Variants in ITSN1 observed in about 807,000 individuals in gnomAD.
ITSN1 encodes intersectin 1.
Under a neutral mutation model 239.8 loss-of-function variants are expected in ITSN1, and 58 were observed. The ratio of observed to expected loss-of-function variants is 0.24; its 90% CI spans 0.20 to 0.30. ITSN1 has a LOEUF of 0.30. ITSN1 is among the 10% of genes least tolerant of loss of function. The pLI is 1.00. For missense variants in ITSN1, 1,558 were observed against 2,103.3 expected, an observed-to-expected ratio of 0.74 and a Z score of 5.07; for synonymous variants, 780 against 770.8, an observed-to-expected ratio of 1.01 and a Z score of -0.20.
chr21:33,741,668 G>A (rs1035842800), intron 5 of ITSN1, among the ~76,000 whole-genome samples: 5 of 151,976 alleles, frequency 3.3e-5, no homozygotes, highest in Admixed American at 6.6e-5. Context: ...CCAGGTGGGC[G>A]GATCATGAGG....
At position 33,888,362 on chromosome 21, in the gene ITSN1, A is replaced by G. The variant is rs1213127539; in HGVS notation, c.*62A>G. 2 of 1,486,822 alleles carry G rather than the reference A, an allele frequency of 1.3e-6. No homozygotes were observed. Among genetic ancestry groups the G allele is most frequent in the Non-Finnish European group, 1.8e-6 (2 of 1,101,528 alleles). 92.1% of individuals were successfully genotyped at this position (1,486,822 alleles called of 1,614,324 possible). Reference sequence around the variant, plus strand: ...CCACGGCCACACATGCTGTCTGGAAATTGTATTCCTTTTCTAAGAAACCAC... The same window carrying G: ...CCACGGCCACACATGCTGTCTGGAAGTTGTATTCCTTTTCTAAGAAACCAC... On this transcript the variant is annotated 3_prime_UTR_variant, in exon 40 of 40. Transcript: ENST00000381318.
intron 1 of ITSN1, among the ~76,000 whole-genome samples, chr21:33,663,200 A>C (rs1167013818): frequency 6.6e-6 from 1 of 152,256 alleles, no homozygotes; most frequent in Non-Finnish European, 1.5e-5. Flanking sequence ...TGGATATACC[A>C]GGAAGTTATG....
intron 6 of ITSN1, among the ~76,000 whole-genome samples, chr21:33,751,526 T>A (rs2067555035): frequency 6.6e-6 from 1 of 152,244 alleles, no homozygotes; most frequent in African/African-American, 2.4e-5. Context: ...ACTGTTGGAA[T>A]AGGTCCTATA....
intron 1 of ITSN1, among the ~76,000 whole-genome samples, chr21:33,690,675 G>A (rs1433960613): frequency 6.9e-6 from 1 of 145,278 alleles, no homozygotes; most frequent in African/African-American, 2.5e-5. Context: ...GCAGGAGAAT[G>A]ACTTGCACTG....
rs752608943 is a variant in ITSN1, at chr21:33,818,452, G to A, written c.2913G>A (p.Gly971=). Residue 971 remains glycine, a synonymous_variant, in exon 23 of 40, where the codon GGG becomes GGA. Coordinates refer to ENST00000381318, the MANE Select transcript of ITSN1 (RefSeq NM_003024.3). ...FPKSYVKLIS[G]PIRKSTSMDS... ...AGTCTTACGTGAAACTCATTTCAGG[G>A]CCCATAAGGAAGTCTACAAGGTATT... 2.5e-6 allele frequency: 4 copies of A among 1,614,038 alleles called. No individual in the cohort carries two copies. Among genetic ancestry groups the A allele is most frequent in the Non-Finnish European group, 2.5e-6 (3 of 1,179,928 alleles).
At chr21:33,781,085 C>A (rs1196463576) in intron 14 of ITSN1, among the ~76,000 whole-genome samples, 9 of 152,122 alleles carry the variant, frequency 5.9e-5, no homozygotes, top group Admixed American at 5.9e-4. Context: ...CTATTTAGAC[C>A]ACTGAGTTAG....
intron 33 of ITSN1, among the ~76,000 whole-genome samples, chr21:33,871,451 A>T (rs923152439): frequency 2.0e-5 from 3 of 151,886 alleles, no homozygotes; most frequent in African/African-American, 7.3e-5. Context: ...AAAAAAAACA[A>T]AAAACAAAAA....
intron 1 of ITSN1, among the ~76,000 whole-genome samples, chr21:33,673,847 A>G (rs994553114): frequency 2.0e-5 from 3 of 152,244 alleles, no homozygotes; most frequent in African/African-American, 7.2e-5. Context: ...TTTCATGTTT[A>G]TCATGGTTAA....
intron 29 of ITSN1, chr21:33,837,155 C>A: frequency 3.6e-6 from 5 of 1,379,234 alleles, no homozygotes; most frequent in Non-Finnish European, 4.7e-6. Flanking sequence ...AGCAGTTTAC[C>A]TCATTTTACC....
chr21:33,711,302 C>T (rs1394207210), intron 1 of ITSN1, among the ~76,000 whole-genome samples: 4 of 150,890 alleles, frequency 2.7e-5, no homozygotes, highest in Non-Finnish European at 5.9e-5. Flanking sequence ...GTATCTAGCT[C>T]GAGGTTTGTA....
At chr21:33,654,044 TTC>T (rs2088808587) in intron 1 of ITSN1, among the ~76,000 whole-genome samples, 1 of 151,892 alleles carries the variant, frequency 6.6e-6, no homozygotes, top group Non-Finnish European at 1.5e-5. Context: ...TTCTCTTTCT[TTC>T]TCTCTTTGTC....
intron 31 of ITSN1, among the ~76,000 whole-genome samples, 189 bp downstream of exon 31, chr21:33,858,981 C>T (rs900822711): frequency 7.9e-5 from 12 of 152,042 alleles, no homozygotes; most frequent in Admixed American, 5.2e-4. Flanking sequence ...AAACGCACTC[C>T]GAATCTCTCA....
intron 25 of ITSN1, among the ~76,000 whole-genome samples, chr21:33,824,177 G>A (rs1373968212): frequency 6.6e-6 from 1 of 152,176 alleles, no homozygotes; most frequent in East Asian, 1.9e-4. Flanking sequence ...TAGAATCTCC[G>A]TTGATCAGGA....
chr21:33,868,834 G>A (rs571966200), intron 33 of ITSN1, among the ~76,000 whole-genome samples: 2 of 152,194 alleles, frequency 1.3e-5, no homozygotes, highest in African/African-American at 4.8e-5. Flanking sequence ...AGGAGGCACC[G>A]AGAGCGAGCG....
chr21:33,725,732 T>C (rs554735585), intron 4 of ITSN1, among the ~76,000 whole-genome samples: 8 of 152,362 alleles, frequency 5.3e-5, no homozygotes, highest in African/African-American at 1.9e-4. Context: ...TTTAATTTTT[T>C]TCTTACGTTT....
chr21:33,865,058 TCA>T lies in ITSN1; in HGVS notation c.3891-86_3891-85del. 1.6e-6 allele frequency: 2 copies of T among 1,270,878 alleles called. No individual in the cohort carries two copies. The highest frequency in any genetic ancestry group is 2.2e-6 in the Non-Finnish European group (2 of 921,388). The allele number at this position is 1,270,878 out of a possible 1,614,324, so 78.7% of individuals were successfully genotyped here. ...TTAGTGGCCCTTAAGGCTGTGCCCCTCACACACATTCTGTTTCTGTGCAACCT... is the reference window on the plus strand; with the variant it reads ...TTAGTGGCCCTTAAGGCTGTGCCCCTCACACATTCTGTTTCTGTGCAACCT... On this transcript the variant is annotated intron_variant, in intron 31 of 39. Transcript: ENST00000381318. The surrounding 1 kb of genome is among the most constrained non-coding windows in gnomAD (Gnocchi z 4.4).
intron 28 of ITSN1, 140 bp from the exon 29 acceptor site, chr21:33,836,301 C>T: frequency 2.0e-6 from 1 of 507,938 alleles, no homozygotes; most frequent in Non-Finnish European, 3.3e-6. Context: ...CTGTAAAAAG[C>T]CCAACAGAAC....
intron 19 of ITSN1, among the ~76,000 whole-genome samples, chr21:33,800,732 C>G (rs2071926746): frequency 1.3e-5 from 2 of 151,342 alleles, no homozygotes; most frequent in Admixed American, 1.3e-4. Context: ...GTTCCTTGTT[C>G]TAGTTACTCT....
intron 29 of ITSN1, among the ~76,000 whole-genome samples, chr21:33,843,387 C>T (rs553505252): frequency 2.6e-5 from 4 of 152,152 alleles, no homozygotes; most frequent in South Asian, 2.1e-4. Context: ...ACATTTTCAA[C>T]GCACAAGCTT....
Sources: allele counts gnomAD v4.1 joint callset (sites outside exome capture counted in the v4.1 genomes callset), GRCh38; gene constraint gnomAD v4.1.1; non-coding constraint Gnocchi (gnomAD v3.1); transcripts MANE v1.5; gene names NCBI Gene and HGNC (gene_info 2026-07-23, HGNC 2026-07-21).